The following SEMA3A variants were observed in gnomAD, a reference collection of about 807,000 sequenced individuals.
The protein encoded by SEMA3A is semaphorin 3A.
SEMA3A carries 29 observed loss-of-function variants against 97.9 expected under a neutral mutation model. The observed-to-expected ratio is 0.30, with a 90% CI of 0.22 to 0.40. The LOEUF is 0.40. Among genes scored for constraint, SEMA3A ranks in the 10% least tolerant of loss-of-function variants. The pLI is 1.00. For synonymous variants in SEMA3A, 321 were observed against 323.7 expected, an observed-to-expected ratio of 0.99 and a Z score of 0.09; for missense variants, 763 against 951.3, an observed-to-expected ratio of 0.80 and a Z score of 2.60.
intron 3 of SEMA3A, among the ~76,000 whole-genome samples, chr7:84,285,970 C>CA (rs564063430): frequency 0.24 from 16,646 of 69,834 alleles, 1,560 homozygotes; most frequent in East Asian, 0.45. Flanking sequence ...GACCCCATCT[C>CA]AAAAAAAAAA....
At chr7:83,969,811 G>A (rs915656592) in intron 15 of SEMA3A, among the ~76,000 whole-genome samples, 5 of 152,096 alleles carry the variant, frequency 3.3e-5, no homozygotes, top group African/African-American at 7.2e-5. Flanking sequence ...ATTCCAAATA[G>A]GGAATAATAA....
chr7:84,126,460 C>A (rs895065423), intron 3 of SEMA3A, among the ~76,000 whole-genome samples: 7 of 152,138 alleles, frequency 4.6e-5, no homozygotes, highest in Non-Finnish European at 1.0e-4. Context: ...TCCTCTCCAG[C>A]CTCCCAAAGT....
intron 3 of SEMA3A, among the ~76,000 whole-genome samples, chr7:84,273,603 C>T (rs1488909392): frequency 6.6e-6 from 1 of 152,044 alleles, no homozygotes; most frequent in Non-Finnish European, 1.5e-5. Flanking sequence ...GAGAAATGTC[C>T]CACCCAAACC....
At chr7:84,055,083 TGG>T (rs1391825654) in intron 5 of SEMA3A, among the ~76,000 whole-genome samples, 1 of 152,000 alleles carries the variant, frequency 6.6e-6, no homozygotes, top group Non-Finnish European at 1.5e-5. Flanking sequence ...AGCTGCGTGC[TGG>T]GAGAACCACT....
chr7:84,460,094 C>A (rs1475065977), intron 1 of SEMA3A, among the ~76,000 whole-genome samples: 1 of 152,114 alleles, frequency 6.6e-6, no homozygotes, highest in Admixed American at 6.6e-5. Flanking sequence ...AGACATTAGG[C>A]AGGATTTCAT....
chr7:84,047,723 TTAA>T (rs1286173443), intron 5 of SEMA3A, among the ~76,000 whole-genome samples: 5 of 151,998 alleles, frequency 3.3e-5, no homozygotes, highest in African/African-American at 9.7e-5. Flanking sequence ...ATCGAATAGG[TTAA>T]TGTTTATTTG....
intron 1 of SEMA3A, among the ~76,000 whole-genome samples, chr7:84,480,492 A>G (rs1806417753): frequency 6.6e-6 from 1 of 152,234 alleles, no homozygotes; most frequent in Non-Finnish European, 1.5e-5. Context: ...ATAAATGAGT[A>G]CCAGAAATTC....
intron 3 of SEMA3A, among the ~76,000 whole-genome samples, chr7:84,301,687 C>T (rs1188275219): frequency 6.6e-6 from 1 of 152,108 alleles, no homozygotes; most frequent in Non-Finnish European, 1.5e-5. Context: ...TCAATTCTGC[C>T]TTTGTAATAT....
chr7:84,037,485 AC>A (rs1484743466), intron 6 of SEMA3A, among the ~76,000 whole-genome samples: 1 of 152,034 alleles, frequency 6.6e-6, no homozygotes, highest in Non-Finnish European at 1.5e-5. Flanking sequence ...ATGCCACCAT[AC>A]CTGCCTAATT....
intron 2 of SEMA3A, among the ~76,000 whole-genome samples, chr7:84,332,513 T>C (rs977025455): frequency 1.3e-5 from 2 of 152,132 alleles, no homozygotes; most frequent in African/African-American, 4.8e-5. Context: ...ACTTACAGGA[T>C]AAAATTGAGA....
At chr7:84,163,422 G>C (rs1359561029) in intron 1 of SEMA3A, among the ~76,000 whole-genome samples, 1 of 152,052 alleles carries the variant, frequency 6.6e-6, no homozygotes, top group African/African-American at 2.4e-5. Context: ...CTGTCCTTAT[G>C]TTATATGAAT....
At chr7:84,014,973 C>T (rs966493034) in intron 6 of SEMA3A, among the ~76,000 whole-genome samples, 8 of 152,020 alleles carry the variant, frequency 5.3e-5, no homozygotes, top group Non-Finnish European at 1.5e-5. Flanking sequence ...TTCTTCAATA[C>T]CACCTTCCTT....
At chr7:84,041,588 A>G (rs1792135596) in intron 6 of SEMA3A, among the ~76,000 whole-genome samples, 1 of 152,142 alleles carries the variant, frequency 6.6e-6, no homozygotes, top group Non-Finnish European at 1.5e-5. Flanking sequence ...GTGACTTTAT[A>G]CATTGATACT....
chr7:84,474,399 T>C (rs1334460370), intron 1 of SEMA3A, among the ~76,000 whole-genome samples: 2 of 152,222 alleles, frequency 1.3e-5, no homozygotes, highest in African/African-American at 4.8e-5. Context: ...CCTACGCAGA[T>C]TGTGTAGTTC....
chr7:84,419,913 G>A (rs1443828474), intron 1 of SEMA3A, among the ~76,000 whole-genome samples: 1 of 152,146 alleles, frequency 6.6e-6, no homozygotes, highest in Non-Finnish European at 1.5e-5. Flanking sequence ...TTTGTTTATT[G>A]ATGTGTTGCC....
At chr7:84,098,019 T>A (rs946536434) in intron 4 of SEMA3A, among the ~76,000 whole-genome samples, 1 of 152,080 alleles carries the variant, frequency 6.6e-6, no homozygotes, top group African/African-American at 2.4e-5. Context: ...TAGGGATAGC[T>A]TGAAAAGGCC....
At chr7:84,117,027 C>A (rs1795452446) in intron 3 of SEMA3A, among the ~76,000 whole-genome samples, 1 of 152,120 alleles carries the variant, frequency 6.6e-6, no homozygotes, top group African/African-American at 2.4e-5. Context: ...ACCTGTCAGC[C>A]AACTTTGGAT....
intron 3 of SEMA3A, among the ~76,000 whole-genome samples, chr7:84,274,661 T>C (rs1044874708): frequency 1.6e-4 from 25 of 152,256 alleles, no homozygotes; most frequent in African/African-American, 5.5e-4. Context: ...ACTGTACTTA[T>C]AAATTATATG....
chr7:84,263,338 A>T (rs1409265180), intron 3 of SEMA3A, among the ~76,000 whole-genome samples: 1 of 152,234 alleles, frequency 6.6e-6, no homozygotes, highest in East Asian at 1.9e-4. Flanking sequence ...GGTAGTGCAG[A>T]ACACAAGGTC....
Sources: allele counts gnomAD v4.1 joint callset (sites outside exome capture counted in the v4.1 genomes callset), GRCh38; gene constraint gnomAD v4.1.1; transcripts MANE v1.5; gene names NCBI Gene and HGNC (gene_info 2026-07-23, HGNC 2026-07-21).